TEAD1: variants seen among roughly 807,000 people sequenced by gnomAD.
The protein encoded by TEAD1 is transcriptional enhancer factor TEF-1.
Under a neutral mutation model 54.9 loss-of-function variants are expected in TEAD1, and 9 were observed. The observed-to-expected ratio is 0.16, with a 90% CI of 0.10 to 0.29. TEAD1 has a LOEUF of 0.29. Ranked by LOEUF, TEAD1 falls within the 10% of genes least tolerant of loss-of-function variation. The pLI is 1.00. For missense variants in TEAD1, 387 were observed against 535.9 expected (o/e 0.72, Z 2.74); for synonymous variants, 200 against 187.8 (o/e 1.07, Z -0.53).
chr11:12,850,957 G>T, intron 3 of TEAD1: 1 of 528,408 alleles, frequency 1.9e-6, no homozygotes, highest in Non-Finnish European at 2.4e-6. Flanking sequence ...GAAAAATTGT[G>T]CCACTTCTCA....
chr11:12,925,076 A>G, intron 11 of TEAD1, 24 bp downstream of exon 11: 1 of 1,613,592 alleles, frequency 6.2e-7, no homozygotes, highest in Non-Finnish European at 8.5e-7. Flanking sequence ...TGTATACTGG[A>G]AACTTCATTC....
rs1348657039 is a variant in TEAD1 at position 12,939,719 on chromosome 11, C to A, written c.*2497C>A. On this transcript the variant is annotated 3_prime_UTR_variant, in exon 13 of 13. Coordinates refer to ENST00000527636, the MANE Select transcript of TEAD1 (RefSeq NM_021961.6). The stretch of plus-strand genomic sequence containing the variant: ...CCTTGAGGTTTACTCCTTGCTCTTA[C>A]AACATTTCTAAGGATTTTTAAAAGT... 6.6e-6 allele frequency: 1 copy of A among 152,274 alleles called. No individual in the cohort carries two copies. Among genetic ancestry groups the A allele is most frequent in the Admixed American group, 6.5e-5 (1 of 15,276 alleles). 9.4% of individuals were successfully genotyped at this position (152,274 alleles called of 1,614,324 possible).
chr11:12,682,063 G>T (rs888248375), intron 2 of TEAD1, among the ~76,000 whole-genome samples: 3 of 152,162 alleles, frequency 2.0e-5, no homozygotes, highest in Non-Finnish European at 2.9e-5. Context: ...TTTCTGAAAG[G>T]CCCCATCATA....
chr11:12,881,886 C>G lies in TEAD1; in HGVS notation c.513-10C>G, dbSNP rs748180141. 1.9e-6 allele frequency: 3 copies of G among 1,614,138 alleles called. No homozygotes were observed. Among genetic ancestry groups the G allele is most frequent in the East Asian group, 2.2e-5 (1 of 44,872 alleles). On this transcript the variant is annotated splice_polypyrimidine_tract_variant and intron_variant, in intron 7 of 12. Transcript: ENST00000527636. ...TCTCTTAACTCTGTCTGCCATCTCT[C>G]TGTTCCCAGCGTCAAGCCTTTTGTG...
At chr11:12,748,238 A>G (rs1169738327) in intron 2 of TEAD1, among the ~76,000 whole-genome samples, 1 of 152,252 alleles carries the variant, frequency 6.6e-6, no homozygotes, top group African/African-American at 2.4e-5. Context: ...CTGGGATTAC[A>G]GGCGTGAGCC....
intron 3 of TEAD1, among the ~76,000 whole-genome samples, chr11:12,797,285 AGTCCTTCTCCTCTTAGCT>A (rs1318193122): frequency 2.6e-5 from 4 of 152,222 alleles, no homozygotes; most frequent in Non-Finnish European, 5.9e-5. Flanking sequence ...CTGTCCCATC[AGTCCTTCTCCTCTTAGCT>A]GATCTTTTGG....
intron 2 of TEAD1, among the ~76,000 whole-genome samples, chr11:12,679,121 A>G (rs72856001): frequency 0.048 from 7,338 of 152,142 alleles, 237 homozygotes; most frequent in Non-Finnish European, 0.069. Flanking sequence ...TGATTGGATA[A>G]TGGTAGTAGT....
intron 3 of TEAD1, among the ~76,000 whole-genome samples, chr11:12,807,420 A>T (rs1438138827): frequency 6.6e-6 from 1 of 152,178 alleles, no homozygotes; most frequent in Non-Finnish European, 1.5e-5. Context: ...CTGAAATCAC[A>T]GTCCTGCTTT....
chr11:12,819,772 G>T (rs1946500762), intron 3 of TEAD1, among the ~76,000 whole-genome samples: 1 of 152,292 alleles, frequency 6.6e-6, no homozygotes, highest in East Asian at 1.9e-4. Context: ...CTTAAAAGCG[G>T]TCTTATTCTG....
intron 5 of TEAD1, 167 bp from the exon 6 acceptor site, chr11:12,879,541 G>A: frequency 1.2e-6 from 1 of 801,316 alleles, no homozygotes; most frequent in South Asian, 1.4e-5. Flanking sequence ...ACGGTAGGTT[G>A]AGTGTGGTTT....
At chr11:12,791,520 C>A (rs577815108) in intron 3 of TEAD1, among the ~76,000 whole-genome samples, 2 of 152,042 alleles carry the variant, frequency 1.3e-5, no homozygotes, top group East Asian at 3.9e-4. Context: ...TTCTTATAGA[C>A]GGTTTTGTGA....
At chr11:12,833,142 G>A (rs17487843) in intron 3 of TEAD1, among the ~76,000 whole-genome samples, 265 of 152,308 alleles carry the variant, frequency 1.7e-3, no homozygotes, top group Non-Finnish European at 2.6e-3. Flanking sequence ...TTGGTCCCTT[G>A]TGTCCATGCA....
intron 5 of TEAD1, among the ~76,000 whole-genome samples, chr11:12,866,689 T>C (rs11022519): frequency 0.32 from 47,999 of 152,106 alleles, 8,174 homozygotes; most frequent in African/African-American, 0.43. Flanking sequence ...AGCAACTGGC[T>C]CAGCATTTAA....
chr11:12,770,728 T>C (rs549842938), intron 3 of TEAD1, among the ~76,000 whole-genome samples: 1 of 152,294 alleles, frequency 6.6e-6, no homozygotes, highest in African/African-American at 2.4e-5. Flanking sequence ...TCAATACAAA[T>C]GACTCCAATA....
chr11:12,862,293 C>A lies in TEAD1; in HGVS notation c.246C>A (p.Gly82=). ...CCAGATACATCAAACTCAGGACAGG[C>A]AAGACGAGGACCAGAAAACAGGTAA... Residue 82 remains glycine, a synonymous_variant, in exon 4 of 13, where the codon GGC becomes GGA. Transcript: ENST00000527636. The A allele has an allele frequency of 6.2e-7, 1 of 1,613,936 alleles. No homozygotes were observed. Among genetic ancestry groups the A allele is most frequent in the Non-Finnish European group, 8.5e-7 (1 of 1,179,908 alleles).
intron 4 of TEAD1, among the ~76,000 whole-genome samples, chr11:12,862,580 G>GT (rs1471451377): frequency 1.3e-5 from 2 of 152,156 alleles, no homozygotes; most frequent in African/African-American, 2.4e-5. Context: ...CTCCTGTACT[G>GT]TATTTCAAAG....
chr11:12,736,206 TC>T lies in TEAD1; in HGVS notation c.-54-27971del, dbSNP rs1944527317. 2.0e-5 allele frequency among the ~76,000 whole-genome samples: 3 copies of T among 152,326 alleles called. No individual in the cohort carries two copies. In the South Asian group the frequency reaches 6.2e-4, roughly 32 times the overall value. ...AAATTCCAAATGGGTCCTTTTCTCT[TC>T]CTCTCATTTACTATTTCTATTCAAA... On this transcript the variant is annotated intron_variant, in intron 2 of 12. Transcript: ENST00000527636.
intron 3 of TEAD1, among the ~76,000 whole-genome samples, chr11:12,837,772 T>C (rs1195451410): frequency 0.063 from 3,202 of 50,790 alleles, 136 homozygotes; most frequent in African/African-American, 0.13. Context: ...TCTTCTTCCT[T>C]CTCTTCCTCT....
intron 3 of TEAD1, among the ~76,000 whole-genome samples, chr11:12,772,594 A>T (rs955005764): frequency 6.6e-6 from 1 of 152,204 alleles, no homozygotes; most frequent in African/African-American, 2.4e-5. Flanking sequence ...GAGTATTAGC[A>T]GAGAGTATTA....
Sources: gnomAD v4.1 joint callset for allele counts (sites outside exome capture counted in the v4.1 genomes callset) on GRCh38, gnomAD v4.1.1 for gene constraint, MANE v1.5 for transcripts, NCBI Gene and HGNC (gene_info 2026-07-23, HGNC 2026-07-21) for gene names.